The following RBM46 variants were observed in gnomAD, a reference collection of about 807,000 sequenced individuals.
The protein encoded by RBM46 is probable RNA-binding protein 46.
Under a neutral mutation model 43.3 loss-of-function variants are expected in RBM46, and 12 were observed. That is an observed-to-expected ratio of 0.28 (90% CI 0.18 to 0.45). RBM46 has a LOEUF of 0.45. RBM46 is among the 20% of genes least tolerant of loss of function. The pLI is 1.00. For synonymous variants in RBM46, 205 were observed against 207.6 expected (o/e 0.99, Z 0.11); for missense variants, 412 against 639.1 (o/e 0.64, Z 3.83).
chr4:154,802,999 A>G (rs1185176035), intron 4 of RBM46, among the ~76,000 whole-genome samples: 1 of 152,052 alleles, frequency 6.6e-6, no homozygotes, highest in Non-Finnish European at 1.5e-5. Flanking sequence ...AGTTTGAAAA[A>G]TAAAAGAAAA....
intron 3 of RBM46, 71 bp from the exon 4 acceptor site, chr4:154,798,711 A>G: frequency 8.5e-7 from 1 of 1,178,978 alleles, no homozygotes; most frequent in Non-Finnish European, 1.1e-6. Context: ...CTGGGGAAAC[A>G]GTTTTACTGA....
intron 4 of RBM46, among the ~76,000 whole-genome samples, chr4:154,818,798 T>G (rs1005694498): frequency 6.6e-6 from 1 of 152,310 alleles, no homozygotes; most frequent in Admixed American, 6.5e-5. Flanking sequence ...GTATATTTTC[T>G]TACCTGTCTT....
Position 154,828,045 on chromosome 4 carries a change from C to T in RBM46, c.1580C>T (p.Ser527Phe). ...CATGTTGGACAGCGGCTATGTATCT[C>T]CAATCAGGCCTCCTTCTTCTGAAGA... ...GSHVGQRLCI[S>F]NQASFF is the part of the protein sequence containing the mutation. Residue 527 changes from serine to phenylalanine, a missense_variant, in exon 5 of 5, where the codon TCC (serine) becomes TTC (phenylalanine). This residue lies in a region of RBM46 where 149 missense variants were observed against 156.3 expected (regional missense o/e 0.95). Transcript: ENST00000281722. The T allele has an allele frequency of 6.2e-7, 1 of 1,612,492 alleles. No homozygotes were observed.
At chr4:154,822,470 C>T (rs1458507380) in intron 4 of RBM46, among the ~76,000 whole-genome samples, 1 of 151,224 alleles carries the variant, frequency 6.6e-6, no homozygotes, top group East Asian at 1.9e-4. Context: ...ATTATTTATG[C>T]TTATATGATA....
At chr4:154,802,747 A>AGCC (rs1423752093) in intron 4 of RBM46, among the ~76,000 whole-genome samples, 1 of 152,152 alleles carries the variant, frequency 6.6e-6, no homozygotes, top group Non-Finnish European at 1.5e-5. Flanking sequence ...AATCCATTTA[A>AGCC]GTACTGTTTT....
intron 4 of RBM46, among the ~76,000 whole-genome samples, chr4:154,804,960 C>G (rs182511479): frequency 1.4e-4 from 21 of 151,746 alleles, no homozygotes; most frequent in Admixed American, 1.4e-3. Flanking sequence ...AAGGCAGATA[C>G]ACAAATTCTT....
In RBM46 at chr4:154,798,972, T is replaced by C. The variant is rs755804068; in HGVS notation, c.810T>C (p.Leu270=). The change falls in exon 4 of 5, where the codon CTT becomes CTC. Residue 270 remains leucine, a synonymous_variant. Coordinates refer to ENST00000281722, the MANE Select transcript of RBM46 (RefSeq NM_144979.5). ...KPGAVERVKK[L]RDYAFVHFFN... ...GTGCAGTTGAACGGGTAAAGAAACT[T>C]AGAGATTATGCTTTTGTTCACTTTT... is the stretch of plus-strand genomic sequence containing the variant. 1 of 1,613,922 alleles carries C rather than the reference T, an allele frequency of 6.2e-7. No individual in the cohort carries two copies. The highest frequency in any genetic ancestry group is 1.1e-5 in the South Asian group (1 of 91,030).
intron 4 of RBM46, among the ~76,000 whole-genome samples, chr4:154,810,469 T>TACTC (rs34281090): frequency 0.26 from 38,919 of 151,850 alleles, 5,102 homozygotes; most frequent in Middle Eastern, 0.32. Context: ...TAAATACTAA[T>TACTC]ACAGAGGAAA....
In RBM46 at chr4:154,784,583, T is replaced by C. The variant is rs112670341; in HGVS notation, c.-12+3147T>C. On this transcript the variant is annotated intron_variant, in intron 1 of 4. Coordinates refer to ENST00000281722, the MANE Select transcript of RBM46 (RefSeq NM_144979.5). ...TTTGAAAGTGAGCTAGAGAGGAATC[T>C]TTGAAAGTCTACAGTTTAGGGAAAA... Among the ~76,000 whole-genome samples, 568 of 152,286 alleles carry C rather than the reference T, an allele frequency of 3.7e-3. 5 individuals carry two copies. Among genetic ancestry groups the C allele is most frequent in the African/African-American group, 0.013 (547 of 41,560 alleles).
At chr4:154,825,029 G>A (rs1245099697) in intron 4 of RBM46, among the ~76,000 whole-genome samples, 1 of 151,994 alleles carries the variant, frequency 6.6e-6, no homozygotes, top group Non-Finnish European at 1.5e-5. Context: ...TATATAAATT[G>A]TATATCAGTG....
intron 4 of RBM46, among the ~76,000 whole-genome samples, chr4:154,813,822 G>A (rs576804276): frequency 9.2e-5 from 14 of 151,898 alleles, no homozygotes; most frequent in Non-Finnish European, 1.5e-4. Flanking sequence ...GGAATACACC[G>A]GAATCCTGTG....
intron 4 of RBM46, among the ~76,000 whole-genome samples, chr4:154,809,973 C>T (rs1046853404): frequency 2.6e-5 from 4 of 151,960 alleles, no homozygotes; most frequent in Admixed American, 6.6e-5. Flanking sequence ...ATAAAAATGC[C>T]AGGGAATTAC....
chr4:154,823,326 A>G (rs1251721118), intron 4 of RBM46, among the ~76,000 whole-genome samples: 2 of 151,968 alleles, frequency 1.3e-5, no homozygotes, highest in Non-Finnish European at 2.9e-5. Flanking sequence ...CTAGAATTTT[A>G]TAGTGGTGCT....
At chr4:154,796,932 T>G (rs1176894671) in intron 2 of RBM46, 29 bp downstream of exon 2, 3 of 1,593,452 alleles carry the variant, frequency 1.9e-6, no homozygotes, top group Non-Finnish European at 8.6e-7. Context: ...TCTTTTAAAT[T>G]TAATCTTTAA....
At chr4:154,797,441 A>G (rs892236260) in intron 2 of RBM46, among the ~76,000 whole-genome samples, 3 of 152,160 alleles carry the variant, frequency 2.0e-5, no homozygotes, top group African/African-American at 7.2e-5. Context: ...ACAGGCTTCC[A>G]TAATCTATGT....
intron 4 of RBM46, among the ~76,000 whole-genome samples, chr4:154,805,308 A>G (rs1225435733): frequency 6.6e-6 from 1 of 152,036 alleles, no homozygotes; most frequent in Non-Finnish European, 1.5e-5. Flanking sequence ...TCCCAGATGA[A>G]TCCATCTTGA....
Position 154,799,282 on chromosome 4 carries a change from C to A in RBM46, c.1120C>A (p.Pro374Thr). Residue 374 changes from proline to threonine, a missense_variant, in exon 4 of 5, where the codon CCT becomes ACT. By Grantham distance (38) the Pro-to-Thr change is conservative. Around this residue, in one of 8 missense-constraint regions of RBM46, gnomAD observed 105 missense variants for 111.0 expected, o/e 0.95. Transcript: ENST00000281722. ...EVERCTYPFY[P>T]GTKLTPISMY... ...TGAAAGATGCACTTACCCTTTTTATCCTGGAACAAAGCTTACTCCAATTAG... is the reference window on the plus strand; with the variant it reads ...TGAAAGATGCACTTACCCTTTTTATACTGGAACAAAGCTTACTCCAATTAG... 6.2e-7 allele frequency: 1 copy of A among 1,614,182 alleles called. No homozygotes were observed. The highest frequency in any genetic ancestry group is 8.5e-7 in the Non-Finnish European group (1 of 1,180,044).
intron 3 of RBM46, 111 bp from the exon 4 acceptor site, chr4:154,798,671 T>G (rs1578911204): frequency 1.2e-6 from 1 of 830,892 alleles, no homozygotes; most frequent in East Asian, 3.1e-5. Context: ...TTAACCAAAT[T>G]TATTGATGTG....
Position 154,828,370 on chromosome 4 carries a change from G to GTTTTT in RBM46, c.*314_*318dup. 1 of 194,794 alleles carries GTTTTT rather than the reference G, an allele frequency of 5.1e-6. No individual in the cohort carries two copies. Among genetic ancestry groups the GTTTTT allele is most frequent in the Non-Finnish European group, 1.0e-5 (1 of 99,466 alleles). The allele number at this position is 194,794 out of a possible 1,614,324, so 12.1% of individuals were successfully genotyped here. Reference sequence around the variant, plus strand: ...TGGGCAATAGAACCTAGTCATTTATGTTTTTTTTTTTTTTTGCATAATTTT... The same window carrying GTTTTT: ...TGGGCAATAGAACCTAGTCATTTATGTTTTTTTTTTTTTTTTTTTTGCATAATTTT... On this transcript the variant is annotated 3_prime_UTR_variant, in exon 5 of 5. Coordinates refer to ENST00000281722, the MANE Select transcript of RBM46 (RefSeq NM_144979.5).
Sources: allele counts gnomAD v4.1 joint callset (sites outside exome capture counted in the v4.1 genomes callset), GRCh38; gene constraint gnomAD v4.1.1; regional missense constraint gnomAD v4.1.1; transcripts MANE v1.5; gene names NCBI Gene and HGNC (gene_info 2026-07-23, HGNC 2026-07-21).